The following EIF2AK4 variants were observed in gnomAD, a reference collection of about 807,000 sequenced individuals.
EIF2AK4 encodes the protein eIF-2-alpha kinase GCN2.
Under a neutral mutation model 211.1 loss-of-function variants are expected in EIF2AK4, and 139 were observed. The observed-to-expected ratio is 0.66, with a 90% confidence interval of 0.57 to 0.76. The LOEUF (loss-of-function observed/expected upper bound fraction) is 0.76, where lower values mean the gene tolerates loss of function less well. Among genes scored for constraint, EIF2AK4 ranks in the 30% least tolerant of loss-of-function variants. EIF2AK4 has a pLI of 0.00. For synonymous variants in EIF2AK4, 710 were observed against 751.3 expected (o/e 0.94, Z 0.90); for missense variants, 1,664 against 2,043.8 (o/e 0.81, Z 3.58).
At chr15:39,990,012 C>T (rs770258989) in intron 15 of EIF2AK4, among the ~76,000 whole-genome samples, 31 of 152,138 alleles carry the variant, frequency 2.0e-4, no homozygotes, top group Admixed American at 4.6e-4. Flanking sequence ...ACTTGGTGAA[C>T]CCAGTGGAAG....
In EIF2AK4 at chr15:39,998,723, T is replaced by C; in HGVS notation, c.2869-8T>C. On this transcript the variant is annotated splice_region_variant and splice_polypyrimidine_tract_variant and intron_variant, in intron 19 of 38. Coordinates refer to ENST00000263791, the MANE Select transcript of EIF2AK4 (RefSeq NM_001013703.4). ...CAAAACCTTGCTGATTTGAATATAT[T>C]TTTTTAGCCCACTTCGCCTAAGTTT... is the stretch of plus-strand genomic sequence containing the variant. The C allele has an allele frequency of 6.2e-7, 1 of 1,611,752 alleles. No individual in the cohort carries two copies. Among genetic ancestry groups the C allele is most frequent in the Non-Finnish European group, 8.5e-7 (1 of 1,178,678 alleles).
intron 8 of EIF2AK4, 56 bp from the exon 9 acceptor site, chr15:39,967,288 A>G: frequency 6.7e-7 from 1 of 1,490,482 alleles, no homozygotes; most frequent in Non-Finnish European, 9.0e-7. Context: ...TTGAAATGAA[A>G]CCCAAGTTAA....
At chr15:39,966,010 G>T (rs1450609964) in intron 8 of EIF2AK4, among the ~76,000 whole-genome samples, 167 bp downstream of exon 8, 1 of 152,190 alleles carries the variant, frequency 6.6e-6, no homozygotes, top group African/African-American at 2.4e-5. Flanking sequence ...TTTGCCCCTT[G>T]CCTCTGGTTT....
Position 39,992,157 on chromosome 15 carries a change from G to C in EIF2AK4, c.2632-18G>C, listed in dbSNP as rs759883202. 7 of 1,607,002 alleles carry C rather than the reference G, an allele frequency of 4.4e-6. No homozygotes were observed. The East Asian group carries it at 6.7e-5, about 15-fold the overall frequency. On this transcript the variant is annotated intron_variant, in intron 16 of 38. Coordinates refer to ENST00000263791, the MANE Select transcript of EIF2AK4 (RefSeq NM_001013703.4). ...ATATCATGTTTTAATTGGATATTTG[G>C]CTTACTTATATTTTTAGGCTGACAG...
chr15:39,973,487 C>A, intron 10 of EIF2AK4, 105 bp from the exon 11 acceptor site: 1 of 1,235,432 alleles, frequency 8.1e-7, no homozygotes, highest in Non-Finnish European at 1.1e-6. Flanking sequence ...ATTTTTCAAA[C>A]TACTGGTTGG....
chr15:40,033,743 G>A (rs1258560104), intron 37 of EIF2AK4, among the ~76,000 whole-genome samples: 1 of 152,134 alleles, frequency 6.6e-6, no homozygotes, highest in African/African-American at 2.4e-5. Flanking sequence ...AAAGTAAACA[G>A]AGGCCGGGTG....
At chr15:39,994,883 C>T (rs1332734265) in intron 18 of EIF2AK4, among the ~76,000 whole-genome samples, 1 of 152,028 alleles carries the variant, frequency 6.6e-6, no homozygotes, top group East Asian at 1.9e-4. Context: ...CTCTTTTCGC[C>T]CAGGCTGGAG....
At chr15:39,997,995 A>G (rs1337785491) in intron 19 of EIF2AK4, among the ~76,000 whole-genome samples, 2 of 152,246 alleles carry the variant, frequency 1.3e-5, no homozygotes, top group Admixed American at 6.5e-5. Flanking sequence ...GTATTCCACT[A>G]TAAGAACACT....
rs2035378594 is a variant in EIF2AK4, at chr15:40,020,910, C to T, written c.4185C>T (p.Ser1395=). 8 of 1,610,682 alleles carry T rather than the reference C, an allele frequency of 5.0e-6. No homozygotes were observed. Among genetic ancestry groups the T allele is most frequent in the African/African-American group, 1.3e-5 (1 of 74,884 alleles). The change falls in exon 31 of 39, where the codon AGC becomes AGT. Residue 1395 remains serine (S), a synonymous_variant. Transcript: ENST00000263791. Reference sequence around the variant, plus strand: ...TGTTTCTGATCCAGGTTACAATAAGCTCTTGTGACCTCCTGGTTGTAAGTG... The same window carrying T: ...TGTTTCTGATCCAGGTTACAATAAGTTCTTGTGACCTCCTGGTTGTAAGTG... ...VLNMEESVTI[S]SCDLLVVSVG... is the part of the protein sequence containing the mutation.
Position 40,011,444 on chromosome 15 carries a change from G to A in EIF2AK4, c.3759+98G>A, listed in dbSNP as rs1054886334. 96 of 988,860 alleles carry A rather than the reference G, an allele frequency of 9.7e-5. 1 individual carries two copies. Among genetic ancestry groups the A allele is most frequent in the South Asian group, 1.8e-4 (12 of 67,070 alleles). The allele number at this position is 988,860 out of a possible 1,614,324, so 61.3% of individuals were successfully genotyped here. On this transcript the variant is annotated intron_variant, in intron 27 of 38. Transcript: ENST00000263791. The stretch of plus-strand genomic sequence containing the variant: ...TCGTTGCAGTAGGGTAGCAGCCAGC[G>A]CTTCCTACCACCTCGCAGATGCAGT...
chr15:40,013,677 G>A (rs1215842837), intron 27 of EIF2AK4, among the ~76,000 whole-genome samples: 4 of 152,074 alleles, frequency 2.6e-5, no homozygotes, highest in Non-Finnish European at 5.9e-5. Flanking sequence ...GGAAGGACCC[G>A]CCCCCACGAT....
chr15:39,943,724 G>T (rs1355698680), intron 3 of EIF2AK4, among the ~76,000 whole-genome samples: 1 of 152,126 alleles, frequency 6.6e-6, no homozygotes, highest in Non-Finnish European at 1.5e-5. Flanking sequence ...AGCACTTGGG[G>T]AGGCTGAGGT....
At chr15:39,986,886 CAAAG>C (rs907037135) in intron 14 of EIF2AK4, among the ~76,000 whole-genome samples, 4 of 148,328 alleles carry the variant, frequency 2.7e-5, no homozygotes, top group African/African-American at 2.5e-5. Flanking sequence ...ACAACAAAAA[CAAAG>C]AAGTCTTTCC....
At position 40,009,522 on chromosome 15, in the gene EIF2AK4, T is replaced by C. The variant is rs183491183; in HGVS notation, c.3577-92T>C. ...GCTAAATTCAATCCTTCCATTGTGTTAGGATGACAAATTGGTGGTAAGTTT... is the reference window on the plus strand; with the variant it reads ...GCTAAATTCAATCCTTCCATTGTGTCAGGATGACAAATTGGTGGTAAGTTT... On this transcript the variant is annotated intron_variant, in intron 25 of 38. Coordinates refer to ENST00000263791, the MANE Select transcript of EIF2AK4 (RefSeq NM_001013703.4). 133 of 731,166 alleles carry C rather than the reference T, an allele frequency of 1.8e-4. No homozygotes were observed. In the African/African-American group the frequency reaches 2.2e-3, roughly 12 times the overall value. The allele number at this position is 731,166 out of a possible 1,614,324, so 45.3% of individuals were successfully genotyped here.
intron 31 of EIF2AK4, chr15:40,021,686 A>T (rs1023614326): frequency 6.6e-6 from 1 of 152,412 alleles, no homozygotes; most frequent in Non-Finnish European, 1.5e-5. Context: ...GGAAAGTGGC[A>T]CCCAGGACAC....
chr15:39,987,930 C>G, intron 14 of EIF2AK4, 53 bp from the exon 15 acceptor site: 1 of 1,595,550 alleles, frequency 6.3e-7, no homozygotes, highest in Non-Finnish European at 8.6e-7. Context: ...CAGTTATACT[C>G]CTTCACTTAA....
At chr15:39,950,969 TC>T (rs967245163) in intron 4 of EIF2AK4, among the ~76,000 whole-genome samples, 5 of 151,768 alleles carry the variant, frequency 3.3e-5, no homozygotes, top group African/African-American at 4.8e-5. Flanking sequence ...ATGCTTTACA[TC>T]CCCCCCATTT....
chr15:40,030,886 C>G (rs1466984418), intron 35 of EIF2AK4, among the ~76,000 whole-genome samples: 1 of 152,124 alleles, frequency 6.6e-6, no homozygotes, highest in East Asian at 1.9e-4. Context: ...TAACATGGCC[C>G]CAGTCCTCAA....
At chr15:39,983,693 C>A (rs62004084) in intron 13 of EIF2AK4, among the ~76,000 whole-genome samples, 2 of 152,240 alleles carry the variant, frequency 1.3e-5, no homozygotes, top group Admixed American at 1.3e-4. Context: ...CCGACTGCCT[C>A]GGCCTTCCAC....
Sources: gnomAD v4.1 joint callset for allele counts (sites outside exome capture counted in the v4.1 genomes callset) on GRCh38, gnomAD v4.1.1 for gene constraint, MANE v1.5 for transcripts, NCBI Gene and HGNC (gene_info 2026-07-23, HGNC 2026-07-21) for gene names.